Variants in ERMN observed in about 807,000 individuals in gnomAD.
ERMN encodes the protein ermin, ERM-like protein.
A neutral mutation model predicts 21.4 loss-of-function variants in ERMN; 17 were observed. That is an observed-to-expected ratio of 0.80 (90% CI 0.54 to 1.19). The LOEUF is 1.19. ERMN is among the 50% of genes most tolerant of loss of function. The pLI is 0.00. For missense variants in ERMN, 348 were observed against 331.6 expected, an observed-to-expected ratio of 1.05 and a Z score of -0.38; for synonymous variants, 115 against 111.9, an observed-to-expected ratio of 1.03 and a Z score of -0.17.
Position 157,325,674 on chromosome 2 carries a change from GC to G in ERMN, c.-33del. ...CGGTTGAATCCGATCTGGAGAGAGAGCTTTAGGGAAACTGAGTGAGTAGATC... is the reference window on the plus strand; with the variant it reads ...CGGTTGAATCCGATCTGGAGAGAGAGTTTAGGGAAACTGAGTGAGTAGATC... On this transcript the variant is annotated 5_prime_UTR_variant, in exon 1 of 3. Transcript: ENST00000410096. The G allele has an allele frequency of 6.2e-7, 1 of 1,613,388 alleles. No individual in the cohort carries two copies. Among genetic ancestry groups the G allele is most frequent in the South Asian group, 1.1e-5 (1 of 91,070 alleles).
Position 157,321,213 on chromosome 2 carries a change from G to A in ERMN, c.*58C>T. On this transcript the variant is annotated 3_prime_UTR_variant, in exon 3 of 3. Coordinates refer to ENST00000410096, the MANE Select transcript of ERMN (RefSeq NM_020711.3). The stretch of plus-strand genomic sequence containing the variant: ...ATAAGGCATAGAAATATGCACCCTG[G>A]GGCAATAGAATTAGCTTTTCCTTTA... 6.4e-7 allele frequency: 1 copy of A among 1,558,882 alleles called. No homozygotes were observed. The highest frequency in any genetic ancestry group is 8.6e-7 in the Non-Finnish European group (1 of 1,157,502).
Position 157,325,686 on chromosome 2 carries a change from C to T in ERMN, c.-44G>A, listed in dbSNP as rs1684053796. 6.2e-7 allele frequency: 1 copy of T among 1,612,768 alleles called. No homozygotes were observed. The highest frequency in any genetic ancestry group is 8.5e-7 in the Non-Finnish European group (1 of 1,178,946). ...ATCTGGAGAGAGAGCTTTAGGGAAA[C>T]TGAGTGAGTAGATCCTTGATAAGAT... On this transcript the variant is annotated 5_prime_UTR_variant, in exon 1 of 3. Transcript: ENST00000410096.
intron 2 of ERMN, among the ~76,000 whole-genome samples, chr2:157,322,270 AC>A (rs1203021909): frequency 3.3e-5 from 5 of 150,730 alleles, no homozygotes; most frequent in African/African-American, 1.2e-4. Flanking sequence ...ACACACACAC[AC>A]ACCTCAAGGA....
Position 157,325,675 on chromosome 2 carries a change from C to A in ERMN, c.-33G>T. On this transcript the variant is annotated 5_prime_UTR_variant, in exon 1 of 3. Transcript: ENST00000410096. Reference sequence around the variant, plus strand: ...GGTTGAATCCGATCTGGAGAGAGAGCTTTAGGGAAACTGAGTGAGTAGATC... The same window carrying A: ...GGTTGAATCCGATCTGGAGAGAGAGATTTAGGGAAACTGAGTGAGTAGATC... 6.2e-7 allele frequency: 1 copy of A among 1,613,348 alleles called. No individual in the cohort carries two copies. Among genetic ancestry groups the A allele is most frequent in the South Asian group, 1.1e-5 (1 of 91,072 alleles).
At chr2:157,327,309 T>C (rs1684090929), upstream of ERMN, 1 of 602,174 alleles carries the variant, frequency 1.7e-6, no homozygotes, top group African/African-American at 1.9e-5. Context: ...AAGACATCTC[T>C]AATAGATCCT....
In ERMN at chr2:157,320,785, A is replaced by C. The variant is rs191336380; in HGVS notation, c.*486T>G. On this transcript the variant is annotated 3_prime_UTR_variant, in exon 3 of 3. Transcript: ENST00000410096. ...TTTGGTGATAATAGAAAAGGCACAG[A>C]ATTTTGGAAGGCTTATTGCCAGAGT... 6.5e-6 allele frequency: 1 copy of C among 154,022 alleles called. No individual in the cohort carries two copies. Among genetic ancestry groups the C allele is most frequent in the African/African-American group, 2.4e-5 (1 of 41,476 alleles). The allele number at this position is 154,022 out of a possible 1,614,324, so 9.5% of individuals were successfully genotyped here.
chr2:157,324,767 GAAAA>G lies in ERMN; in HGVS notation c.242-9_242-6del. On this transcript the variant is annotated splice_region_variant and splice_polypyrimidine_tract_variant and intron_variant, in intron 1 of 2. Coordinates refer to ENST00000410096, the MANE Select transcript of ERMN (RefSeq NM_020711.3). ...AGAGTTTCTCTTCTGGGTTTTCTAG[GAAAA>G]AAATATAAAATCAGTATTTTAACAT... The G allele has an allele frequency of 1.3e-6, 2 of 1,583,710 alleles. No individual in the cohort carries two copies. Among genetic ancestry groups the G allele is most frequent in the Non-Finnish European group, 1.7e-6 (2 of 1,162,164 alleles).
rs1293308585 is a variant in ERMN, at chr2:157,321,368, T to C, written c.758A>G (p.Asn253Ser). The change falls in exon 3 of 3, where the codon AAT becomes AGT. Residue 253 changes from asparagine (N) to serine (S), a missense_variant. Transcript: ENST00000410096. ...TATTGTATTGTATCTGGAATAAGCA[T>C]TTCTGGAGATATCACTCTTCTTCCC... Reference protein sequence around the residue: ...TLGKKSDISRNAYSRYNTISY... With the variant: ...TLGKKSDISRSAYSRYNTISY... 1.2e-6 allele frequency: 2 copies of C among 1,614,148 alleles called. No individual in the cohort carries two copies. Among genetic ancestry groups the C allele is most frequent in the East Asian group, 2.2e-5 (1 of 44,878 alleles).
At chr2:157,327,367 A>G (rs949197503), upstream of ERMN, 7 of 726,442 alleles carry the variant, frequency 9.6e-6, no homozygotes, top group Admixed American at 1.9e-5. Context: ...TCAGCACTCT[A>G]ATTCTATGTT....
Position 157,321,274 on chromosome 2 carries a change from T to C in ERMN, c.852A>G (p.Leu284=), listed in dbSNP as rs758388147. Residue 284 remains leucine (L), a synonymous_variant, in exon 3 of 3, where the codon TTA becomes TTG. Transcript: ENST00000410096. ...RIDEFESMMH[L] ...GAATTTCTCAGTTCCAGTTAGTTTA[T>C]AAATGCATCATAGACTCGAATTCAT... The C allele has an allele frequency of 1.2e-6, 2 of 1,611,692 alleles. No individual in the cohort carries two copies. Among genetic ancestry groups the C allele is most frequent in the South Asian group, 1.1e-5 (1 of 90,926 alleles).
In ERMN at chr2:157,321,052, A is replaced by T; in HGVS notation, c.*219T>A. The T allele has an allele frequency of 3.1e-6, 2 of 639,928 alleles. No homozygotes were observed. The highest frequency in any genetic ancestry group is 6.1e-5 in the East Asian group (2 of 32,670). 39.6% of individuals were successfully genotyped at this position (639,928 alleles called of 1,614,324 possible). The stretch of plus-strand genomic sequence containing the variant: ...AATGCTATATTAGTGAAGTTTTAAA[A>T]GATAAATGCCCAAGAATTTATTTAA... On this transcript the variant is annotated 3_prime_UTR_variant, in exon 3 of 3. Coordinates refer to ENST00000410096, the MANE Select transcript of ERMN (RefSeq NM_020711.3).
upstream of ERMN, chr2:157,327,626 C>T: frequency 1.6e-6 from 1 of 633,272 alleles, no homozygotes; most frequent in Non-Finnish European, 2.9e-6. Flanking sequence ...AAGCTAAGCG[C>T]CATCCCTGGC....
chr2:157,325,984 G>C, upstream of ERMN: 1 of 1,124,978 alleles, frequency 8.9e-7, no homozygotes, highest in East Asian at 5.0e-5. Context: ...CTTTTGTGTT[G>C]GCATGTAGAG....
chr2:157,324,185 T>C, intron 2 of ERMN: 2 of 255,444 alleles, frequency 7.8e-6, no homozygotes, highest in East Asian at 1.6e-4. Context: ...GGCAGGAGAA[T>C]CGCTTGAACC....
rs768611423 is a variant in ERMN at position 157,321,168 on chromosome 2, C to G, written c.*103G>C. The G allele has an allele frequency of 6.8e-7, 1 of 1,474,548 alleles. No homozygotes were observed. The highest frequency in any genetic ancestry group is 9.0e-7 in the Non-Finnish European group (1 of 1,111,460). 91.3% of individuals were successfully genotyped at this position (1,474,548 alleles called of 1,614,324 possible). On this transcript the variant is annotated 3_prime_UTR_variant, in exon 3 of 3. Transcript: ENST00000410096. ...TGAAAAAGAGAGTCAACTTCCACCT[C>G]CCTCCAAGTGATAACTCAAATAAGG...
rs760843344 is a variant in ERMN, at chr2:157,321,243, G to A, written c.*28C>T. On this transcript the variant is annotated 3_prime_UTR_variant, in exon 3 of 3. Transcript: ENST00000410096. Reference sequence around the variant, plus strand: ...ATAGAATTAGCTTTTCCTTTAGTGGGCATGAGAATTTCTCAGTTCCAGTTA... The same window carrying A: ...ATAGAATTAGCTTTTCCTTTAGTGGACATGAGAATTTCTCAGTTCCAGTTA... 1 of 1,592,432 alleles carries A rather than the reference G, an allele frequency of 6.3e-7. No homozygotes were observed. The highest frequency in any genetic ancestry group is 1.1e-5 in the South Asian group (1 of 88,144).
rs539017620 is a variant in ERMN, at chr2:157,319,214, A to G, written c.*2057T>C. 2.8e-4 allele frequency: 42 copies of G among 152,322 alleles called. No homozygotes were observed. Among genetic ancestry groups the G allele is most frequent in the African/African-American group, 8.7e-4 (36 of 41,590 alleles). 9.4% of individuals were successfully genotyped at this position (152,322 alleles called of 1,614,324 possible). On this transcript the variant is annotated 3_prime_UTR_variant, in exon 3 of 3. Transcript: ENST00000410096. ...TGCAAAAACATTGTGTCATCCATGA[A>G]CATGAAGCATTTACCAACTAAACAT... is the stretch of plus-strand genomic sequence containing the variant.
Position 157,321,154 on chromosome 2 carries a change from G to C in ERMN, c.*117C>G. The C allele has an allele frequency of 7.0e-6, 10 of 1,424,756 alleles. No homozygotes were observed. Among genetic ancestry groups the C allele is most frequent in the Non-Finnish European group, 9.4e-6 (10 of 1,068,442 alleles). The allele number at this position is 1,424,756 out of a possible 1,614,324, so 88.3% of individuals were successfully genotyped here. On this transcript the variant is annotated 3_prime_UTR_variant, in exon 3 of 3. Transcript: ENST00000410096. ...ACATTATTCTACAGTGAAAAAGAGA[G>C]TCAACTTCCACCTCCCTCCAAGTGA...
At chr2:157,327,434 C>T (rs556215501), upstream of ERMN, 78 of 778,468 alleles carry the variant, frequency 1.0e-4, 2 homozygotes, top group South Asian at 1.0e-3. Flanking sequence ...TATGTGCAAG[C>T]TACTGTCCTA....
Sources: allele counts gnomAD v4.1 joint callset (sites outside exome capture counted in the v4.1 genomes callset), GRCh38; gene constraint gnomAD v4.1.1; transcripts MANE v1.5; gene names NCBI Gene and HGNC (gene_info 2026-07-23, HGNC 2026-07-21).